LGSN: variants seen among roughly 807,000 people sequenced by gnomAD.
LGSN encodes lengsin, lens protein with glutamine synthetase domain, also known as lengsin.
In LGSN, 21 loss-of-function variants were observed where a neutral mutation model predicts 19.5. The ratio of observed to expected loss-of-function variants is 1.07; its 90% CI spans 0.76 to 1.55. The LOEUF is 1.55. LGSN is among the 40% of genes most tolerant of loss of function. The probability of loss-of-function intolerance (pLI) is 0.00; values close to 1 mark genes in which losing one functional copy is unlikely to be tolerated. For missense variants in LGSN, 673 were observed against 608.5 expected (o/e 1.11, Z -1.12); for synonymous variants, 257 against 215.6 (o/e 1.19, Z -1.68).
the LGSN span, among the ~76,000 whole-genome samples, chr6:63,412,403 GAAA>G: frequency 2.6e-5 from 3 of 114,622 alleles, no homozygotes; most frequent in Middle Eastern, 4.0e-3. Context: ...AAGAAGGAAA[GAAA>G]GAAAGAAAGA....
the LGSN span, among the ~76,000 whole-genome samples, chr6:63,383,282 A>T: frequency 0.013 from 1,950 of 151,508 alleles, 64 homozygotes; most frequent in East Asian, 0.12. Context: ...TTTTTTTTTT[A>T]AAACTTTCTC....
At chr6:63,373,966 G>T in the LGSN span, among the ~76,000 whole-genome samples, 1 of 152,206 alleles carries the variant, frequency 6.6e-6, no homozygotes, top group Non-Finnish European at 1.5e-5. Flanking sequence ...GGTGGCGGGG[G>T]AGTGGCATCC....
At chr6:63,441,885 G>C in the LGSN span, 1 of 267,460 alleles carries the variant, frequency 3.7e-6, no homozygotes, top group African/African-American at 2.3e-5. Flanking sequence ...CTGCCCCTTT[G>C]TGTCCGGAAT....
At chr6:63,480,194 G>T in the LGSN span, 1 of 221,154 alleles carries the variant, frequency 4.5e-6, no homozygotes, top group South Asian at 8.6e-5. Context: ...TTACCTGGCT[G>T]ACCAGAGCTG....
chr6:63,397,398 G>A, the LGSN span, among the ~76,000 whole-genome samples: 5 of 151,222 alleles, frequency 3.3e-5, no homozygotes, highest in East Asian at 5.8e-4. Flanking sequence ...ATAAAATTAC[G>A]TGAACAATTT....
the LGSN span, among the ~76,000 whole-genome samples, chr6:63,371,381 C>G: frequency 6.6e-6 from 1 of 152,176 alleles, no homozygotes. Context: ...CTCTGTAAAC[C>G]ACTGAAAACG....
At chr6:63,335,142 CAAA>C in the LGSN span, among the ~76,000 whole-genome samples, 6 of 81,884 alleles carry the variant, frequency 7.3e-5, no homozygotes, top group African/African-American at 1.2e-4. Flanking sequence ...GACTCCATCT[CAAA>C]AAAAAAAAAA....
intron 1 of LGSN, among the ~76,000 whole-genome samples, chr6:63,319,118 A>G (rs891660074): frequency 1.3e-5 from 2 of 152,138 alleles, no homozygotes; most frequent in African/African-American, 4.8e-5. Flanking sequence ...TATTCACTAT[A>G]CAGATCAGTG....
chr6:63,287,129 A>G (rs912833882), intron 2 of LGSN, among the ~76,000 whole-genome samples: 20 of 152,176 alleles, frequency 1.3e-4, no homozygotes, highest in Non-Finnish European at 2.8e-4. Flanking sequence ...GATTAAGTAG[A>G]TTTTAAGTAT....
the LGSN span, among the ~76,000 whole-genome samples, chr6:63,461,329 G>A: frequency 6.6e-6 from 1 of 152,186 alleles, no homozygotes; most frequent in Non-Finnish European, 1.5e-5. Context: ...TGGGATTACA[G>A]GCATAAGCCA....
chr6:63,301,470 A>G lies in LGSN; in HGVS notation c.31-6425T>C, dbSNP rs182910294. On this transcript the variant is annotated intron_variant, in intron 1 of 3. Transcript: ENST00000370657. ...AAATTATATAAATAAAATTAAATGGATATTCAAGGTTGGGGGAAAATAGAA... is the reference window on the plus strand; with the variant it reads ...AAATTATATAAATAAAATTAAATGGGTATTCAAGGTTGGGGGAAAATAGAA... Among the ~76,000 whole-genome samples, 383 of 152,170 alleles carry G rather than the reference A, an allele frequency of 2.5e-3. 4 individuals are homozygous for G. Among genetic ancestry groups the G allele is most frequent in the Admixed American group, 0.018 (279 of 15,284 alleles).
chr6:63,567,749 C>T, the LGSN span, among the ~76,000 whole-genome samples: 7 of 152,238 alleles, frequency 4.6e-5, no homozygotes, highest in African/African-American at 1.7e-4. Context: ...AAGTCTTGGA[C>T]AGCATCTTCT....
the LGSN span, among the ~76,000 whole-genome samples, chr6:63,483,684 GT>G: frequency 1.3e-5 from 2 of 152,152 alleles, no homozygotes; most frequent in African/African-American, 4.8e-5. Flanking sequence ...TGGGTGGCAT[GT>G]CAGCAGGGTT....
At chr6:63,324,394 G>T (rs1189088599), upstream of LGSN, among the ~76,000 whole-genome samples, 1 of 152,138 alleles carries the variant, frequency 6.6e-6, no homozygotes, top group East Asian at 1.9e-4. Context: ...ATGATCTCAG[G>T]TTTCTCTTAA....
chr6:63,422,439 G>A, the LGSN span, among the ~76,000 whole-genome samples: 1 of 152,106 alleles, frequency 6.6e-6, no homozygotes, highest in African/African-American at 2.4e-5. Flanking sequence ...TAGTGGGTAG[G>A]CTGTATATAT....
the LGSN span, chr6:63,527,773 T>C: frequency 6.6e-6 from 1 of 152,320 alleles, no homozygotes; most frequent in South Asian, 2.1e-4. Context: ...ACAGTGACGA[T>C]AACAGTGATG....
At chr6:63,491,441 AAGGAG>A in the LGSN span, among the ~76,000 whole-genome samples, 1 of 36,532 alleles carries the variant, frequency 2.7e-5, no homozygotes, top group South Asian at 7.7e-4. Flanking sequence ...CCAAATTCTA[AAGGAG>A]ATCCAAAGGT....
the LGSN span, among the ~76,000 whole-genome samples, chr6:63,563,149 T>A: frequency 6.6e-6 from 1 of 152,208 alleles, no homozygotes; most frequent in Non-Finnish European, 1.5e-5. Context: ...TTAAAATAAT[T>A]CTACTCTAGG....
chr6:63,400,200 T>C, the LGSN span, among the ~76,000 whole-genome samples: 1 of 152,238 alleles, frequency 6.6e-6, no homozygotes, highest in African/African-American at 2.4e-5. Flanking sequence ...AACATTTGTA[T>C]TGATATCACT....
Sources: gnomAD v4.1 joint callset for allele counts (sites outside exome capture counted in the v4.1 genomes callset) on GRCh38, gnomAD v4.1.1 for gene constraint, MANE v1.5 for transcripts, NCBI Gene and HGNC (gene_info 2026-07-23, HGNC 2026-07-21) for gene names.